EFCAB11: variants seen among roughly 807,000 people sequenced by gnomAD.
EFCAB11 encodes the protein EF-hand calcium binding domain 11.
Under a neutral mutation model 23.0 loss-of-function variants are expected in EFCAB11, and 14 were observed. The ratio of observed to expected loss-of-function variants is 0.61; its 90% CI spans 0.40 to 0.95. EFCAB11 has a LOEUF of 0.95. EFCAB11 is among the 40% of genes least tolerant of loss of function. The pLI is 0.00. For missense variants in EFCAB11, 198 were observed against 195.8 expected (o/e 1.01, Z -0.07); for synonymous variants, 65 against 66.6 (o/e 0.98, Z 0.11).
intron 5 of EFCAB11, among the ~76,000 whole-genome samples, chr14:89,903,833 T>C (rs1889409850): frequency 6.6e-6 from 1 of 152,140 alleles, no homozygotes; most frequent in Admixed American, 6.5e-5. Flanking sequence ...TCAAACCACA[T>C]CTATCATATG....
intron 5 of EFCAB11, among the ~76,000 whole-genome samples, chr14:89,930,850 C>G (rs907246869): frequency 1.3e-5 from 2 of 152,144 alleles, no homozygotes; most frequent in African/African-American, 4.8e-5. Flanking sequence ...CACCTGTTAA[C>G]AGGGTTGATG....
At chr14:89,857,920 G>C (rs1257733903) in intron 5 of EFCAB11, among the ~76,000 whole-genome samples, 1 of 152,146 alleles carries the variant, frequency 6.6e-6, no homozygotes, top group Non-Finnish European at 1.5e-5. Context: ...GTAGAAACCA[G>C]AAATTCTGAT....
intron 5 of EFCAB11, among the ~76,000 whole-genome samples, chr14:89,905,940 GAAC>G (rs1191249018): frequency 6.6e-6 from 1 of 152,086 alleles, no homozygotes; most frequent in Non-Finnish European, 1.5e-5. Flanking sequence ...GAAACAGAAA[GAAC>G]AACAAGGGAT....
chr14:89,946,114 G>T (rs1014786927), intron 3 of EFCAB11, among the ~76,000 whole-genome samples: 4 of 151,870 alleles, frequency 2.6e-5, no homozygotes, highest in Non-Finnish European at 1.5e-5. Flanking sequence ...TAAAGACGGG[G>T]TTTCATCATG....
intron 1 of EFCAB11, chr14:89,954,314 G>C: frequency 6.5e-7 from 1 of 1,527,834 alleles, no homozygotes; most frequent in Non-Finnish European, 8.8e-7. Flanking sequence ...AGGCAAAGGG[G>C]CTGGCTTTGA....
At chr14:89,943,000 C>T (rs986591216) in intron 3 of EFCAB11, among the ~76,000 whole-genome samples, 1 of 152,072 alleles carries the variant, frequency 6.6e-6, no homozygotes, top group South Asian at 2.1e-4. Flanking sequence ...GGACTCTGGC[C>T]CTTCCTAAAA....
chr14:89,895,844 A>G (rs533372324), intron 5 of EFCAB11, among the ~76,000 whole-genome samples: 1 of 152,372 alleles, frequency 6.6e-6, no homozygotes, highest in South Asian at 2.1e-4. Context: ...GAAGAAAGTG[A>G]AAAGACAAGT....
chr14:89,916,980 G>A (rs1006315271), intron 5 of EFCAB11, among the ~76,000 whole-genome samples: 1 of 151,602 alleles, frequency 6.6e-6, no homozygotes, highest in Admixed American at 6.6e-5. Context: ...ACAAGATGAC[G>A]TTTTTATAAA....
chr14:89,876,417 T>C (rs1888439542), intron 5 of EFCAB11, among the ~76,000 whole-genome samples: 1 of 152,164 alleles, frequency 6.6e-6, no homozygotes, highest in South Asian at 2.1e-4. Context: ...CTACTCCCAT[T>C]TGGGTAGCTG....
chr14:89,872,832 T>C (rs959321171), intron 5 of EFCAB11, among the ~76,000 whole-genome samples: 2 of 150,946 alleles, frequency 1.3e-5, no homozygotes, highest in Non-Finnish European at 2.9e-5. Context: ...AATATGACCG[T>C]ATCCTTATAA....
intron 5 of EFCAB11, among the ~76,000 whole-genome samples, chr14:89,865,072 C>T (rs1020768302): frequency 6.6e-6 from 1 of 152,144 alleles, no homozygotes; most frequent in African/African-American, 2.4e-5. Context: ...GGTGAGGTTA[C>T]GGGTGTGAGG....
At chr14:89,901,092 T>C (rs1889324084) in intron 5 of EFCAB11, among the ~76,000 whole-genome samples, 2 of 152,222 alleles carry the variant, frequency 1.3e-5, no homozygotes, top group South Asian at 2.1e-4. Context: ...TAAAAGCATA[T>C]ATATTTGTAA....
At chr14:89,902,083 A>G (rs895463713) in intron 5 of EFCAB11, among the ~76,000 whole-genome samples, 7 of 152,056 alleles carry the variant, frequency 4.6e-5, no homozygotes, top group Non-Finnish European at 7.4e-5. Context: ...TACCTCTCAA[A>G]TTTTGCTCAG....
chr14:89,858,315 G>A (rs186175153), intron 5 of EFCAB11, among the ~76,000 whole-genome samples: 2 of 152,260 alleles, frequency 1.3e-5, no homozygotes, highest in East Asian at 1.9e-4. Flanking sequence ...CTGTAACTTC[G>A]TGAGAGGACA....
chr14:89,895,089 G>A (rs1889114322), intron 5 of EFCAB11, among the ~76,000 whole-genome samples: 1 of 152,050 alleles, frequency 6.6e-6, no homozygotes, highest in Non-Finnish European at 1.5e-5. Context: ...ATAATAATAG[G>A]ATCTACCTCA....
chr14:89,954,629 C>T lies in EFCAB11; in HGVS notation c.32G>A (p.Arg11Gln), dbSNP rs1437638387. 2.5e-6 allele frequency: 4 copies of T among 1,613,380 alleles called. No individual in the cohort carries two copies. The highest frequency in any genetic ancestry group is 2.7e-5 in the African/African-American group (2 of 74,918). Residue 11 changes from arginine to glutamine, a missense_variant, in exon 1 of 6, where the codon CGG becomes CAG. Coordinates refer to ENST00000316738, the MANE Select transcript of EFCAB11 (RefSeq NM_145231.4). ...TTCCGAGGGACTGGCTTCCCACGTCCGCGACCTGGCTCTGGCCTCGGAGAA... is the reference window on the plus strand; with the variant it reads ...TTCCGAGGGACTGGCTTCCCACGTCTGCGACCTGGCTCTGGCCTCGGAGAA... MFFSEARARS[R>Q]TWEASPSEHR...
intron 3 of EFCAB11, among the ~76,000 whole-genome samples, chr14:89,944,787 T>C (rs905515894): frequency 6.6e-6 from 1 of 151,734 alleles, no homozygotes; most frequent in Admixed American, 6.6e-5. Flanking sequence ...CTAGCAATAA[T>C]CCTGAAAGTC....
intron 2 of EFCAB11, among the ~76,000 whole-genome samples, chr14:89,953,596 T>C (rs745897086): frequency 6.6e-6 from 1 of 152,238 alleles, no homozygotes; most frequent in African/African-American, 2.4e-5. Context: ...TCATGTCCTA[T>C]GTAAATTTCT....
At chr14:89,953,802 A>G in intron 2 of EFCAB11, 104 bp downstream of exon 2, 2 of 903,374 alleles carry the variant, frequency 2.2e-6, no homozygotes, top group African/African-American at 1.7e-5. Context: ...GAAATTGCTT[A>G]TAAAGCAATT....
Sources: gnomAD v4.1 joint callset for allele counts (sites outside exome capture counted in the v4.1 genomes callset) on GRCh38, gnomAD v4.1.1 for gene constraint, MANE v1.5 for transcripts, NCBI Gene and HGNC (gene_info 2026-07-23, HGNC 2026-07-21) for gene names.